The following AFF2 variants were observed in gnomAD, a reference collection of about 807,000 sequenced individuals.
The protein encoded by AFF2 is AF4/FMR2 family member 2.
Under a neutral mutation model 76.9 loss-of-function variants are expected in AFF2, and 14 were observed. That is an observed-to-expected ratio of 0.18 (90% confidence interval 0.12 to 0.28). AFF2 has a LOEUF of 0.28. AFF2 is among the 10% of genes least tolerant of loss of function. The pLI is 1.00. For synonymous variants in AFF2, 398 were observed against 366.7 expected (o/e 1.09, Z -0.98); for missense variants, 868 against 1,001.1 (o/e 0.87, Z 1.79).
chrX:148,862,430 TA>T (rs1300515604), intron 7 of AFF2, among the ~76,000 whole-genome samples: 1 of 110,958 alleles, frequency 9.0e-6, no homozygotes, highest in Non-Finnish European at 1.9e-5. Flanking sequence ...ATTAAGAAGA[TA>T]TTTTTTAAAA....
At chrX:148,825,909 T>G (rs1411695158) in intron 4 of AFF2, among the ~76,000 whole-genome samples, 1 of 109,942 alleles carries the variant, frequency 9.1e-6, no homozygotes, top group Non-Finnish European at 1.9e-5. Context: ...ACAAATTGAT[T>G]ACAAGTAACA....
At chrX:148,756,089 G>C (rs1412962208) in intron 3 of AFF2, among the ~76,000 whole-genome samples, 1 of 112,211 alleles carries the variant, frequency 8.9e-6, no homozygotes, top group African/African-American at 3.2e-5. Flanking sequence ...TTCAGGAACT[G>C]TCTCTTTCTA....
At chrX:148,820,640 AT>A (rs1557272470) in intron 4 of AFF2, among the ~76,000 whole-genome samples, 1 of 111,618 alleles carries the variant, frequency 9.0e-6, no homozygotes, top group East Asian at 2.8e-4. Flanking sequence ...GAAGGAAAAT[AT>A]TTTGAAATGA....
In AFF2 at chrX:148,977,614, GACACACACACAC is replaced by G. The variant is rs140911348; in HGVS notation, c.3405-286_3405-275del. 7.8e-3 allele frequency among the ~76,000 whole-genome samples: 726 copies of G among 92,486 alleles called. 3 individuals are homozygous for G. Among genetic ancestry groups the G allele is most frequent in the African/African-American group, 0.022 (533 of 24,627 alleles). 80.3% of individuals were successfully genotyped at this position (92,486 alleles called of 115,157 possible). On this transcript the variant is annotated intron_variant, in intron 16 of 20. Transcript: ENST00000370460. ...AGAAACAGTATTTTACCAGCATTTA[GACACACACACAC>G]ACACACACACACACACACACACACA...
chrX:148,791,917 T>G, intron 3 of AFF2, among the ~76,000 whole-genome samples: 1 of 111,696 alleles, frequency 9.0e-6, no homozygotes, highest in East Asian at 2.8e-4. Context: ...CATTGTATTA[T>G]ATTGGTACAA....
chrX:148,906,247 C>T (rs782189977), intron 9 of AFF2, among the ~76,000 whole-genome samples: 29 of 112,026 alleles, frequency 2.6e-4, no homozygotes, highest in African/African-American at 9.1e-4. Flanking sequence ...GTCCTTTTGC[C>T]ATTTCTGATG....
intron 3 of AFF2, among the ~76,000 whole-genome samples, chrX:148,798,766 C>T (rs1231308845): frequency 8.9e-6 from 1 of 112,011 alleles, no homozygotes; most frequent in Non-Finnish European, 1.9e-5. Context: ...TTGGCATAGA[C>T]CGTTAGGCTT....
At chrX:148,976,279 C>T (rs1569557891) in intron 16 of AFF2, among the ~76,000 whole-genome samples, 1 of 112,069 alleles carries the variant, frequency 8.9e-6, no homozygotes, top group Non-Finnish European at 1.9e-5. Flanking sequence ...ATGGGAACAT[C>T]TTGCTTAACT....
chrX:148,848,983 T>A (rs992719921), intron 7 of AFF2, among the ~76,000 whole-genome samples: 1 of 111,473 alleles, frequency 9.0e-6, no homozygotes, highest in African/African-American at 3.3e-5. Context: ...TAAAGGTAAT[T>A]CACAGTTTGA....
At chrX:148,756,708 G>A (rs2055564500) in intron 3 of AFF2, among the ~76,000 whole-genome samples, 1 of 112,687 alleles carries the variant, frequency 8.9e-6, no homozygotes, top group Non-Finnish European at 1.9e-5. Flanking sequence ...TTTGCAGCAA[G>A]CTTCCTCACT....
chrX:148,960,009 G>C (rs2072089828), intron 12 of AFF2, among the ~76,000 whole-genome samples: 1 of 112,408 alleles, frequency 8.9e-6, no homozygotes, highest in African/African-American at 3.2e-5. Flanking sequence ...AGATGACCAA[G>C]TATTACATAA....
chrX:148,758,613 T>G (rs374193011), intron 3 of AFF2, among the ~76,000 whole-genome samples: 30 of 112,076 alleles, frequency 2.7e-4, no homozygotes, highest in African/African-American at 9.1e-4. Flanking sequence ...TTGAGCATTT[T>G]CACTTATCAT....
intron 7 of AFF2, among the ~76,000 whole-genome samples, chrX:148,866,187 C>T (rs1241793546): frequency 3.6e-5 from 4 of 111,793 alleles, no homozygotes; most frequent in African/African-American, 1.3e-4. Context: ...CAAACAAAGA[C>T]AGTCTTCGCA....
intron 4 of AFF2, among the ~76,000 whole-genome samples, chrX:148,821,459 C>G (rs2124650666): frequency 9.0e-6 from 1 of 110,940 alleles, no homozygotes; most frequent in African/African-American, 3.3e-5. Context: ...TATGTCACCA[C>G]TCATGCCTAC....
intron 3 of AFF2, among the ~76,000 whole-genome samples, chrX:148,692,709 G>A (rs1557260851): frequency 9.0e-6 from 1 of 111,161 alleles, no homozygotes; most frequent in African/African-American, 3.3e-5. Context: ...GCTTTCTTAG[G>A]TTTTCTCTTA....
At chrX:148,503,119 C>T (rs1278748446) in intron 1 of AFF2, among the ~76,000 whole-genome samples, 1 of 112,457 alleles carries the variant, frequency 8.9e-6, no homozygotes, top group Non-Finnish European at 1.9e-5. Flanking sequence ...TGTCCTTTCC[C>T]TCTGTACATG....
At chrX:148,778,041 A>G (rs1175205608) in intron 3 of AFF2, among the ~76,000 whole-genome samples, 1 of 111,762 alleles carries the variant, frequency 8.9e-6, no homozygotes, top group Non-Finnish European at 1.9e-5. Flanking sequence ...TACCTAGTTT[A>G]TTGAGTGTTT....
At chrX:148,672,148 A>C (rs2054431269) in intron 3 of AFF2, among the ~76,000 whole-genome samples, 1 of 112,408 alleles carries the variant, frequency 8.9e-6, no homozygotes, top group South Asian at 3.7e-4. Context: ...CATAAGTCAT[A>C]AATCTCTTTA....
chrX:148,848,420 A>G (rs1199313013), intron 7 of AFF2, among the ~76,000 whole-genome samples: 1 of 112,274 alleles, frequency 8.9e-6, no homozygotes, highest in African/African-American at 3.2e-5. Context: ...ATTGATATTC[A>G]TTACAACCCT....
Sources: gnomAD v4.1 joint callset for allele counts (sites outside exome capture counted in the v4.1 genomes callset) on GRCh38, gnomAD v4.1.1 for gene constraint, MANE v1.5 for transcripts, NCBI Gene and HGNC (gene_info 2026-07-23, HGNC 2026-07-21) for gene names.